DIP2B: variants seen among roughly 807,000 people sequenced by gnomAD.
DIP2B encodes disco-interacting protein 2 homolog B.
In DIP2B, 76 loss-of-function variants were observed where a neutral mutation model predicts 198.0. The ratio of observed to expected loss-of-function variants is 0.38; its 90% CI spans 0.32 to 0.46. The LOEUF is 0.46. Among genes scored for constraint, DIP2B ranks in the 20% least tolerant of loss-of-function variants. The probability of loss-of-function intolerance (pLI) is 0.99; values close to 1 mark genes in which losing one functional copy is unlikely to be tolerated. For missense variants in DIP2B, 1,559 were observed against 1,978.4 expected (o/e 0.79, Z 4.02); for synonymous variants, 701 against 739.1 (o/e 0.95, Z 0.84).
chr12:50,576,879 T>C (rs540033401), intron 1 of DIP2B, among the ~76,000 whole-genome samples: 1 of 151,950 alleles, frequency 6.6e-6, no homozygotes, highest in East Asian at 1.9e-4. Flanking sequence ...TTATTTTTTT[T>C]TGATACGGAG....
At chr12:50,556,277 C>T (rs1207715409) in intron 1 of DIP2B, among the ~76,000 whole-genome samples, 1 of 151,826 alleles carries the variant, frequency 6.6e-6, no homozygotes, top group Admixed American at 6.6e-5. Context: ...CTCGAACTCC[C>T]GACCTCGTGA....
At chr12:50,689,124 G>T (rs899838959) in intron 12 of DIP2B, among the ~76,000 whole-genome samples, 1 of 152,132 alleles carries the variant, frequency 6.6e-6, no homozygotes, top group African/African-American at 2.4e-5. Context: ...AGGGCTGGGC[G>T]CAGTGGCTCA....
intron 1 of DIP2B, among the ~76,000 whole-genome samples, chr12:50,603,592 A>G (rs541960433): frequency 3.3e-5 from 5 of 151,894 alleles, no homozygotes; most frequent in Admixed American, 2.0e-4. Context: ...CTAGCTGGGC[A>G]TGGTTGCATG....
chr12:50,657,542 C>T (rs892888999), intron 3 of DIP2B, among the ~76,000 whole-genome samples: 19 of 151,532 alleles, frequency 1.3e-4, no homozygotes, highest in African/African-American at 4.6e-4. Context: ...AATCCCAGTG[C>T]AGCATTTTGG....
At chr12:50,741,640 C>T in intron 37 of DIP2B, 101 bp downstream of exon 37, 1 of 1,418,574 alleles carries the variant, frequency 7.0e-7, no homozygotes, top group South Asian at 1.4e-5. Context: ...TACCTTGAAA[C>T]ATAGAGCTCC....
chr12:50,734,044 T>C, intron 32 of DIP2B, 91 bp from the exon 33 acceptor site: 1 of 1,415,584 alleles, frequency 7.1e-7, no homozygotes. Flanking sequence ...TGTGGATTTT[T>C]CATGTATATG....
rs1029046787 is a variant in DIP2B, at chr12:50,634,528, G to C, written c.173-6196G>C. 2.6e-5 allele frequency among the ~76,000 whole-genome samples: 4 copies of C among 152,192 alleles called. No homozygotes were observed. In the East Asian group the frequency reaches 7.7e-4, roughly 29 times the overall value. On this transcript the variant is annotated intron_variant, in intron 2 of 37. Coordinates refer to ENST00000301180, the MANE Select transcript of DIP2B (RefSeq NM_173602.3). Reference sequence around the variant, plus strand: ...ATACTGTTTCGACACCAAGGAGACAGCATGGGACAAGACACTGCCCAGAAC... The same window carrying C: ...ATACTGTTTCGACACCAAGGAGACACCATGGGACAAGACACTGCCCAGAAC...
At chr12:50,613,507 A>G (rs191411633) in intron 1 of DIP2B, among the ~76,000 whole-genome samples, 1 of 152,308 alleles carries the variant, frequency 6.6e-6, no homozygotes, top group East Asian at 1.9e-4. Flanking sequence ...CGTAGAGAAA[A>G]GGTATCTCTA....
intron 13 of DIP2B, among the ~76,000 whole-genome samples, chr12:50,692,723 G>C (rs1939242930): frequency 6.6e-6 from 1 of 152,116 alleles, no homozygotes; most frequent in Non-Finnish European, 1.5e-5. Context: ...TGTAATCCCA[G>C]CTATTTGGGA....
chr12:50,539,128 G>T (rs537602056), intron 1 of DIP2B, among the ~76,000 whole-genome samples: 1 of 152,048 alleles, frequency 6.6e-6, no homozygotes, highest in Admixed American at 6.6e-5. Flanking sequence ...AGCTTTTAGG[G>T]TTTGCTTTTT....
chr12:50,638,604 A>G (rs544479078), intron 2 of DIP2B, among the ~76,000 whole-genome samples: 1 of 152,260 alleles, frequency 6.6e-6, no homozygotes, highest in African/African-American at 2.4e-5. Context: ...GAAACTGTGT[A>G]TATCTTATTC....
intron 35 of DIP2B, among the ~76,000 whole-genome samples, chr12:50,738,113 G>A (rs143144747): frequency 0.024 from 3,658 of 151,938 alleles, 60 homozygotes; most frequent in Non-Finnish European, 0.037. Flanking sequence ...AGGCCAAGGC[G>A]GGTGAATCAC....
At chr12:50,611,379 T>C (rs1959030537) in intron 1 of DIP2B, among the ~76,000 whole-genome samples, 2 of 152,220 alleles carry the variant, frequency 1.3e-5, no homozygotes, top group South Asian at 4.1e-4. Flanking sequence ...TTTTATTCTT[T>C]TTGGTTGCTT....
chr12:50,701,508 A>C (rs1226685729), intron 19 of DIP2B, among the ~76,000 whole-genome samples: 2 of 152,114 alleles, frequency 1.3e-5, no homozygotes, highest in African/African-American at 2.4e-5. Context: ...TAGCCTCCCA[A>C]GTAGCTGGGA....
At chr12:50,524,284 A>G (rs1388177766) in intron 1 of DIP2B, among the ~76,000 whole-genome samples, 2 of 151,858 alleles carry the variant, frequency 1.3e-5, no homozygotes, top group Admixed American at 1.3e-4. Flanking sequence ...TCTCTAACCC[A>G]TTTTCCACAT....
intron 1 of DIP2B, among the ~76,000 whole-genome samples, chr12:50,537,027 C>T (rs1183709794): frequency 6.6e-6 from 1 of 150,860 alleles, no homozygotes; most frequent in Non-Finnish European, 1.5e-5. Flanking sequence ...TCTCCTTTCT[C>T]CCCTACCCCC....
chr12:50,579,178 T>A (rs1958691794), intron 1 of DIP2B, among the ~76,000 whole-genome samples: 1 of 152,182 alleles, frequency 6.6e-6, no homozygotes, highest in African/African-American at 2.4e-5. Context: ...AGATAAACTA[T>A]GGTTATATAT....
At chr12:50,577,011 T>G (rs1389489565) in intron 1 of DIP2B, among the ~76,000 whole-genome samples, 1 of 151,888 alleles carries the variant, frequency 6.6e-6, no homozygotes, top group African/African-American at 2.4e-5. Flanking sequence ...TTACCACGCC[T>G]AATTTTTGTA....
intron 1 of DIP2B, among the ~76,000 whole-genome samples, chr12:50,586,937 T>C (rs914403368): frequency 3.3e-5 from 5 of 152,204 alleles, no homozygotes; most frequent in Non-Finnish European, 7.3e-5. Context: ...TATGAAAACA[T>C]GTTTTTGCTT....
Sources: gnomAD v4.1 joint callset for allele counts (sites outside exome capture counted in the v4.1 genomes callset) on GRCh38, gnomAD v4.1.1 for gene constraint, MANE v1.5 for transcripts, NCBI Gene and HGNC (gene_info 2026-07-23, HGNC 2026-07-21) for gene names.